HS2ST1: variants seen among roughly 807,000 people sequenced by gnomAD.
HS2ST1 encodes the protein heparan sulfate 2-O-sulfotransferase 1.
In HS2ST1, 18 loss-of-function variants were observed where a neutral mutation model predicts 42.9. That is an observed-to-expected ratio of 0.42 (90% confidence interval 0.29 to 0.62). The LOEUF is 0.62. Ranked by LOEUF, HS2ST1 falls within the 20% of genes least tolerant of loss-of-function variation. HS2ST1 has a pLI of 0.21. For synonymous variants in HS2ST1, 146 were observed against 152.9 expected (o/e 0.95, Z 0.33); for missense variants, 334 against 433.8 (o/e 0.77, Z 2.04).
At chr1:86,952,972 C>G (rs1647568693) in intron 1 of HS2ST1, among the ~76,000 whole-genome samples, 1 of 152,108 alleles carries the variant, frequency 6.6e-6, no homozygotes, top group Non-Finnish European at 1.5e-5. Context: ...TATGAAAGTC[C>G]TAGATGCCAT....
intron 1 of HS2ST1, among the ~76,000 whole-genome samples, chr1:87,036,189 A>G (rs912940023): frequency 6.6e-6 from 1 of 152,146 alleles, no homozygotes; most frequent in African/African-American, 2.4e-5. Context: ...CAGTTTCTTT[A>G]TCCAGTCTAT....
intron 1 of HS2ST1, among the ~76,000 whole-genome samples, chr1:86,959,031 C>T (rs985593901): frequency 2.0e-5 from 3 of 152,054 alleles, no homozygotes; most frequent in Non-Finnish European, 2.9e-5. Flanking sequence ...TTGATAAAAT[C>T]CAACATCCAT....
intron 1 of HS2ST1, among the ~76,000 whole-genome samples, chr1:87,033,744 A>G (rs942558432): frequency 1.3e-5 from 2 of 152,092 alleles, no homozygotes; most frequent in African/African-American, 4.8e-5. Flanking sequence ...GGTTTTCACT[A>G]TGTTGGCCAG....
rs564200717 is a variant in HS2ST1, at chr1:87,102,775, GAA to G, written c.687-654_687-653del. On this transcript the variant is annotated intron_variant, in intron 5 of 6. Transcript: ENST00000370550. ...CTCTTTGTTTTTTTTAATAGTTTGA[GAA>G]AACAAAATTGAGAAAGGTGAAGCCA... is the stretch of plus-strand genomic sequence containing the variant. 7.8e-4 allele frequency among the ~76,000 whole-genome samples: 118 copies of G among 151,926 alleles called. 1 individual carries two copies. Among genetic ancestry groups the G allele is most frequent in the Non-Finnish European group, 1.3e-3 (85 of 67,964 alleles).
chr1:86,986,288 G>A (rs575328778), intron 1 of HS2ST1, among the ~76,000 whole-genome samples: 17 of 151,996 alleles, frequency 1.1e-4, no homozygotes, highest in African/African-American at 3.9e-4. Context: ...ACTGTGTTTT[G>A]TTACAGTTTT....
chr1:86,943,306 C>A (rs1647223746), intron 1 of HS2ST1, among the ~76,000 whole-genome samples: 1 of 152,080 alleles, frequency 6.6e-6, no homozygotes, highest in Non-Finnish European at 1.5e-5. Context: ...ACTTTGGATT[C>A]CAATTGAAAC....
Position 87,051,971 on chromosome 1 carries a change from G to A in HS2ST1, c.125-20963G>A, listed in dbSNP as rs985992396. ...AAGCTGTAAAATATAAAAAGTTTTAGGCCAGGTGCAATGGTTTACACCTGT... is the reference window on the plus strand; with the variant it reads ...AAGCTGTAAAATATAAAAAGTTTTAAGCCAGGTGCAATGGTTTACACCTGT... On this transcript the variant is annotated intron_variant, in intron 1 of 6. Transcript: ENST00000370550. Among the ~76,000 whole-genome samples the A allele has an allele frequency of 5.3e-5, 8 of 152,280 alleles. No homozygotes were observed. The South Asian group carries it at 1.0e-3, about 20-fold the overall frequency.
At position 87,104,286 on chromosome 1, in the gene HS2ST1, C is replaced by G. The variant is rs540203411; in HGVS notation, c.845-184C>G. Among the ~76,000 whole-genome samples the G allele has an allele frequency of 2.0e-5, 3 of 152,196 alleles. No homozygotes were observed. The East Asian group carries it at 5.8e-4, about 29-fold the overall frequency. ...CTTTACTAGGTTAAGGATTAACATT[C>G]TAAAGGACTGAATCATGGCTCTAGT... On this transcript the variant is annotated intron_variant, in intron 6 of 6. Coordinates refer to ENST00000370550, the MANE Select transcript of HS2ST1 (RefSeq NM_012262.4).
intron 1 of HS2ST1, among the ~76,000 whole-genome samples, chr1:86,982,589 A>C (rs949839483): frequency 2.0e-5 from 3 of 151,804 alleles, no homozygotes; most frequent in Non-Finnish European, 4.4e-5. Flanking sequence ...ATCTCAGCTC[A>C]CTGCAAGCTC....
At chr1:86,938,978 C>A (rs573800957) in intron 1 of HS2ST1, among the ~76,000 whole-genome samples, 34 of 152,082 alleles carry the variant, frequency 2.2e-4, no homozygotes, top group Admixed American at 6.5e-5. Flanking sequence ...ATTCTGAATA[C>A]TAATTAGTAC....
intron 1 of HS2ST1, among the ~76,000 whole-genome samples, chr1:86,984,443 A>G (rs1172400138): frequency 6.6e-6 from 1 of 152,218 alleles, no homozygotes; most frequent in Admixed American, 6.5e-5. Context: ...CATTGAAGTG[A>G]GAGAAAATGG....
rs1177785858 is a variant in HS2ST1, at chr1:87,101,149, G to GTTTTTTTTTTTTTTTTTTTT, written c.687-2277_687-2276insTTTTTTTTTTTTTTTTTTTT. 2.0e-4 allele frequency among the ~76,000 whole-genome samples: 12 copies of GTTTTTTTTTTTTTTTTTTTT among 59,538 alleles called. 4 individuals are homozygous for GTTTTTTTTTTTTTTTTTTTT. The highest frequency in any genetic ancestry group is 1.2e-3 in the East Asian group (2 of 1,670). The allele number at this position is 59,538 out of a possible 152,430, so 39.1% of individuals were successfully genotyped here. Reference sequence around the variant, plus strand: ...TCATCACTTTTGTGTGTGTGTGTGTGTTTTTTGTTTTTTTTTTTTTTTTTT... The same window carrying GTTTTTTTTTTTTTTTTTTTT: ...TCATCACTTTTGTGTGTGTGTGTGTGTTTTTTTTTTTTTTTTTTTTTTTTTTGTTTTTTTTTTTTTTTTTT... On this transcript the variant is annotated intron_variant, in intron 5 of 6. Transcript: ENST00000370550.
intron 1 of HS2ST1, among the ~76,000 whole-genome samples, chr1:87,000,759 A>G (rs996047521): frequency 6.6e-6 from 1 of 152,180 alleles, no homozygotes; most frequent in Admixed American, 6.5e-5. Flanking sequence ...TAGCTTTTGT[A>G]TGCTTCAGCT....
At chr1:87,023,656 A>G (rs370132143) in intron 1 of HS2ST1, among the ~76,000 whole-genome samples, 5 of 152,318 alleles carry the variant, frequency 3.3e-5, no homozygotes, top group East Asian at 3.9e-4. Context: ...TTCAACAGGT[A>G]GCATAGTGCC....
intron 1 of HS2ST1, among the ~76,000 whole-genome samples, chr1:86,933,668 T>G (rs953154408): frequency 5.9e-5 from 9 of 152,162 alleles, no homozygotes; most frequent in Non-Finnish European, 1.2e-4. Context: ...CCGCGTTGTC[T>G]TTTCAGACTC....
intron 2 of HS2ST1, among the ~76,000 whole-genome samples, chr1:87,077,992 T>C (rs1651587121): frequency 6.6e-6 from 1 of 152,220 alleles, no homozygotes. Flanking sequence ...TACTTTGTTT[T>C]CCTGTGAGTG....
chr1:86,980,958 C>T (rs916007670), intron 1 of HS2ST1, among the ~76,000 whole-genome samples: 5 of 152,034 alleles, frequency 3.3e-5, no homozygotes, highest in Admixed American at 6.5e-5. Flanking sequence ...ATAAAAAACA[C>T]CTGAGACTGG....
intron 2 of HS2ST1, among the ~76,000 whole-genome samples, chr1:87,073,376 A>G (rs547022994): frequency 1.6e-4 from 24 of 152,354 alleles, no homozygotes; most frequent in Non-Finnish European, 2.9e-4. Context: ...TATGTACTCA[A>G]ATATTTGTGA....
intron 1 of HS2ST1, among the ~76,000 whole-genome samples, chr1:86,985,087 G>A (rs1002779570): frequency 6.6e-6 from 1 of 151,556 alleles, no homozygotes; most frequent in South Asian, 2.1e-4. Context: ...CAGGCGCGGT[G>A]GCTCATGCCT....
Sources: allele counts gnomAD v4.1 joint callset (sites outside exome capture counted in the v4.1 genomes callset), GRCh38; gene constraint gnomAD v4.1.1; transcripts MANE v1.5; gene names NCBI Gene and HGNC (gene_info 2026-07-23, HGNC 2026-07-21).